MROH9: variants seen among roughly 807,000 people sequenced by gnomAD.
MROH9 encodes maestro heat-like repeat-containing protein family member 9.
Under a neutral mutation model 98.2 loss-of-function variants are expected in MROH9, and 92 were observed. That is an observed-to-expected ratio of 0.94 (90% CI 0.79 to 1.11). MROH9 has a LOEUF of 1.11. MROH9 is among the 50% of genes most tolerant of loss of function. The probability of loss-of-function intolerance (pLI) is 0.00; values close to 1 mark genes in which losing one functional copy is unlikely to be tolerated. For synonymous variants in MROH9, 397 were observed against 368.9 expected (o/e 1.08, Z -0.87); for missense variants, 1,057 against 1,014.8 (o/e 1.04, Z -0.57).
chr1:170,991,735 T>A (rs1292169752), intron 11 of MROH9, among the ~76,000 whole-genome samples: 1 of 152,138 alleles, frequency 6.6e-6, no homozygotes, highest in African/African-American at 2.4e-5. Flanking sequence ...TCATTTTTAT[T>A]TAGGATTTTT....
chr1:170,986,667 T>C lies in MROH9; in HGVS notation c.836T>C (p.Ile279Thr). 1 of 1,613,932 alleles carries C rather than the reference T, an allele frequency of 6.2e-7. No homozygotes were observed. Among genetic ancestry groups the C allele is most frequent in the South Asian group, 1.1e-5 (1 of 91,062 alleles). The change falls in exon 10 of 22, where the codon ATA becomes ACA. Residue 279 changes from isoleucine to threonine, a missense_variant. Coordinates refer to ENST00000367759, the MANE Select transcript of MROH9 (RefSeq NM_001163629.2). The stretch of plus-strand genomic sequence containing the variant: ...AAAATCGCATCTGATGCAGCATCCA[T>C]ACTGATATTTACTCTGGAATTTCAT... The part of the protein sequence containing the change: ...DDKIASDAAS[I>T]LIFTLEFHAE...
chr1:170,970,702 CTGTGTGTGTG>C (rs3980698), intron 7 of MROH9, among the ~76,000 whole-genome samples: 2 of 118,476 alleles, frequency 1.7e-5, no homozygotes, highest in African/African-American at 3.4e-5. Context: ...TTAGGAATTT[CTGTGTGTGTG>C]TGTGTGTGTG....
chr1:171,049,279 T>C (rs1237689124), intron 20 of MROH9, among the ~76,000 whole-genome samples: 3 of 152,092 alleles, frequency 2.0e-5, no homozygotes, highest in African/African-American at 4.8e-5. Context: ...ACTGCAGACA[T>C]AGAAAAAACA....
At chr1:171,016,371 G>C (rs1652328765) in intron 17 of MROH9, 35 bp downstream of exon 17, 1 of 1,379,280 alleles carries the variant, frequency 7.3e-7, no homozygotes, top group Non-Finnish European at 9.5e-7. Context: ...AGATCATTAG[G>C]TTTTGTGGTT....
intron 8 of MROH9, among the ~76,000 whole-genome samples, chr1:170,972,765 T>C (rs1209167013): frequency 6.9e-6 from 1 of 145,494 alleles, no homozygotes; most frequent in Non-Finnish European, 1.5e-5. Flanking sequence ...TGAGCCGAGA[T>C]CATGCCACTG....
At chr1:171,019,456 A>G (rs1036929545) in intron 17 of MROH9, among the ~76,000 whole-genome samples, 2 of 152,112 alleles carry the variant, frequency 1.3e-5, no homozygotes, top group African/African-American at 4.8e-5. Context: ...GTTCAAGACC[A>G]GCATGGCCAA....
At position 170,995,452 on chromosome 1, in the gene MROH9, T is replaced by G. The variant is rs1175031909; in HGVS notation, c.1258T>G (p.Phe420Val). The G allele has an allele frequency of 3.7e-6, 6 of 1,613,410 alleles. No individual in the cohort carries two copies. The highest frequency in any genetic ancestry group is 5.1e-6 in the Non-Finnish European group (6 of 1,179,578). The change falls in exon 13 of 22, where the codon TTC becomes GTC. Residue 420 changes from phenylalanine to valine, a missense_variant. Physicochemically the swap from Phe to Val is conservative, Grantham distance 50. Transcript: ENST00000367759. ...GSYRKAVAQY[F>V]PQLLTTLMFQ... ...CTACAGGAAAGCGGTGGCCCAGTAT[T>G]TCCCCCAGCTCTTGACGACTCTTAT... is the stretch of plus-strand genomic sequence containing the variant.
intron 6 of MROH9, among the ~76,000 whole-genome samples, chr1:170,962,809 C>T (rs1650067743): frequency 6.6e-6 from 1 of 151,796 alleles, no homozygotes; most frequent in African/African-American, 2.4e-5. Flanking sequence ...CTTCCTTACA[C>T]CATATACAAA....
At chr1:171,058,475 T>C (rs2101875413) in intron 20 of MROH9, among the ~76,000 whole-genome samples, 1 of 152,070 alleles carries the variant, frequency 6.6e-6, no homozygotes, top group East Asian at 1.9e-4. Context: ...ATTGACATTC[T>C]TCATAAAATT....
At chr1:171,056,488 T>A (rs901663311) in intron 20 of MROH9, among the ~76,000 whole-genome samples, 5 of 152,140 alleles carry the variant, frequency 3.3e-5, no homozygotes, top group Non-Finnish European at 7.3e-5. Flanking sequence ...AACCCAGATC[T>A]CCCTGGGCCT....
intron 3 of MROH9, among the ~76,000 whole-genome samples, chr1:170,954,834 A>C (rs2101883712): frequency 6.6e-6 from 1 of 151,828 alleles, no homozygotes; most frequent in Non-Finnish European, 1.5e-5. Context: ...TTTTCCCATA[A>C]GTTATTGGGG....
intron 14 of MROH9, 52 bp downstream of exon 14, chr1:170,996,696 C>T: frequency 6.4e-7 from 1 of 1,563,268 alleles, no homozygotes; most frequent in Non-Finnish European, 8.7e-7. Context: ...CTACCTTCTC[C>T]AACTTCCTTC....
chr1:170,968,534 A>T (rs897955842), intron 7 of MROH9, among the ~76,000 whole-genome samples: 1 of 152,172 alleles, frequency 6.6e-6, no homozygotes, highest in African/African-American at 2.4e-5. Flanking sequence ...AATTTGGGGA[A>T]ACTCTCCAAA....
intron 3 of MROH9, among the ~76,000 whole-genome samples, chr1:170,949,870 A>G (rs1649479264): frequency 6.6e-6 from 1 of 152,068 alleles, no homozygotes; most frequent in Non-Finnish European, 1.5e-5. Flanking sequence ...CCAGAGATAC[A>G]AAGACAAGGA....
chr1:170,937,657 GACTACAGGCGCCCGCC>G (rs1433462979), intron 1 of MROH9, among the ~76,000 whole-genome samples: 2 of 149,732 alleles, frequency 1.3e-5, no homozygotes, highest in African/African-American at 4.9e-5. Flanking sequence ...AAGTAGCTGG[GACTACAGGCGCCCGCC>G]ACTACGCCCG....
At position 171,037,270 on chromosome 1, in the gene MROH9, G is replaced by C. The variant is rs897552108; in HGVS notation, c.2281+11850G>C. Among the ~76,000 whole-genome samples the C allele has an allele frequency of 2.6e-5, 4 of 151,154 alleles. No homozygotes were observed. In the East Asian group the frequency reaches 7.8e-4, roughly 29 times the overall value. On this transcript the variant is annotated intron_variant, in intron 20 of 21. Coordinates refer to ENST00000367759, the MANE Select transcript of MROH9 (RefSeq NM_001163629.2). ...GACGGAGGGAGAGAGGAAAAAGAGA[G>C]GGAGGGAGAAAAAGAAAGAAGGAAG...
At chr1:171,013,605 T>C (rs1652231922) in intron 15 of MROH9, among the ~76,000 whole-genome samples, 1 of 152,126 alleles carries the variant, frequency 6.6e-6, no homozygotes. Context: ...TGACTAAAAT[T>C]AGAAACTCTG....
intron 7 of MROH9, among the ~76,000 whole-genome samples, chr1:170,967,222 T>C (rs1278464030): frequency 6.6e-6 from 1 of 152,134 alleles, no homozygotes; most frequent in East Asian, 1.9e-4. Flanking sequence ...TATTACTCGG[T>C]TCTGCAATGT....
chr1:171,061,037 A>G (rs897404825), intron 20 of MROH9, among the ~76,000 whole-genome samples: 3 of 152,224 alleles, frequency 2.0e-5, no homozygotes, highest in African/African-American at 7.2e-5. Flanking sequence ...AGAAAAAGAT[A>G]ACTCAATATA....
Sources: allele counts gnomAD v4.1 joint callset (sites outside exome capture counted in the v4.1 genomes callset), GRCh38; gene constraint gnomAD v4.1.1; transcripts MANE v1.5; gene names NCBI Gene and HGNC (gene_info 2026-07-23, HGNC 2026-07-21).